The following TFDP2 variants were observed in gnomAD, a reference collection of about 807,000 sequenced individuals.
TFDP2 encodes the protein transcription factor Dp-2 (E2F dimerization partner 2).
Under a neutral mutation model 59.3 loss-of-function variants are expected in TFDP2, and 17 were observed. That is an observed-to-expected ratio of 0.29 (90% CI 0.20 to 0.43). The LOEUF (loss-of-function observed/expected upper bound fraction) is 0.43. Among genes scored for constraint, TFDP2 ranks in the 20% least tolerant of loss-of-function variants. The pLI, the probability that TFDP2 is intolerant of heterozygous loss-of-function variation, is 1.00. For synonymous variants in TFDP2, 180 were observed against 194.7 expected (o/e 0.92, Z 0.63); for missense variants, 391 against 528.8 (o/e 0.74, Z 2.56).
At position 142,121,062 on chromosome 3, in the gene TFDP2, CA is replaced by C. The variant is rs1336268118; in HGVS notation, c.-92-19222del. Among the ~76,000 whole-genome samples, 5 of 151,918 alleles carry C rather than the reference CA, an allele frequency of 3.3e-5. No individual in the cohort carries two copies. The highest frequency in any genetic ancestry group is 7.2e-5 in the African/African-American group (3 of 41,456). On this transcript the variant is annotated intron_variant, in intron 1 of 12. Coordinates refer to ENST00000489671, the MANE Select transcript of TFDP2 (RefSeq NM_001178139.2). The surrounding 1 kb of genome is among the most constrained non-coding windows in gnomAD (Gnocchi z 4.3). Reference sequence around the variant, plus strand: ...AGGAGACAGCAATAGTTTATGATGACAGAGAAAAGAACTAGACGTGTGTGTG... The same window carrying C: ...AGGAGACAGCAATAGTTTATGATGACGAGAAAAGAACTAGACGTGTGTGTG...
chr3:142,069,374 A>G (rs990302422), intron 3 of TFDP2, among the ~76,000 whole-genome samples: 1 of 152,178 alleles, frequency 6.6e-6, no homozygotes, highest in Non-Finnish European at 1.5e-5. Context: ...ATACTTTACT[A>G]TTACATATTA....
At chr3:142,078,021 TAA>T in intron 3 of TFDP2, among the ~76,000 whole-genome samples, 1 of 152,108 alleles carries the variant, frequency 6.6e-6, no homozygotes, top group South Asian at 2.1e-4. Flanking sequence ...GAGCCTTAAG[TAA>T]ACCCTGGAAG....
intron 3 of TFDP2, among the ~76,000 whole-genome samples, chr3:142,011,612 AAAG>A (rs1399141740): frequency 4.0e-5 from 6 of 150,972 alleles, no homozygotes; most frequent in South Asian, 4.2e-4. Context: ...GAAAAAAAAA[AAAG>A]AAGTGAGGAA....
At chr3:142,087,954 A>T (rs1442329983) in intron 3 of TFDP2, among the ~76,000 whole-genome samples, 1 of 152,106 alleles carries the variant, frequency 6.6e-6, no homozygotes, top group Non-Finnish European at 1.5e-5. Context: ...GACCCACCCC[A>T]TCTAAAGCTG....
intron 3 of TFDP2, among the ~76,000 whole-genome samples, chr3:142,057,765 C>T (rs1377299827): frequency 6.6e-6 from 1 of 152,140 alleles, no homozygotes. Flanking sequence ...AATGGTAATA[C>T]CTATAGAATT....
At chr3:141,973,131 T>A (rs1340714929) in intron 8 of TFDP2, among the ~76,000 whole-genome samples, 4 of 127,874 alleles carry the variant, frequency 3.1e-5, no homozygotes, top group South Asian at 2.4e-4. Context: ...ATATTTTTTT[T>A]TTTTAAAGAT....
intron 11 of TFDP2, among the ~76,000 whole-genome samples, chr3:141,957,386 A>G (rs1038338752): frequency 6.6e-6 from 1 of 152,236 alleles, no homozygotes; most frequent in Non-Finnish European, 1.5e-5. Flanking sequence ...ATGGTACAGG[A>G]GCTTTGGAAA....
At chr3:141,978,145 G>T (rs1940989429) in intron 7 of TFDP2, among the ~76,000 whole-genome samples, 1 of 151,862 alleles carries the variant, frequency 6.6e-6, no homozygotes, top group African/African-American at 2.4e-5. Context: ...AGGAGTTTGA[G>T]ACCAGCCTGG....
At chr3:142,139,192 G>A (rs564502832) in intron 1 of TFDP2, among the ~76,000 whole-genome samples, 2 of 152,160 alleles carry the variant, frequency 1.3e-5, no homozygotes, top group South Asian at 2.1e-4. Context: ...TGCAACCCCT[G>A]CTTTTTTTTG....
chr3:142,058,094 TCCACTGATTTATACAG>T, intron 3 of TFDP2, among the ~76,000 whole-genome samples: 1 of 152,324 alleles, frequency 6.6e-6, no homozygotes, highest in South Asian at 2.1e-4. Flanking sequence ...TGCTTACATC[TCCACTGATTTATACAG>T]CCTGATTTAA....
chr3:141,962,296 C>G (rs764755137), intron 10 of TFDP2, among the ~76,000 whole-genome samples: 1 of 152,110 alleles, frequency 6.6e-6, no homozygotes, highest in Non-Finnish European at 1.5e-5. Context: ...TTCATAACCT[C>G]TACTATTTCT....
chr3:141,953,674 C>T (rs1224147896), intron 11 of TFDP2, among the ~76,000 whole-genome samples: 4 of 151,654 alleles, frequency 2.6e-5, no homozygotes, highest in Admixed American at 1.3e-4. Context: ...GGTACATGTG[C>T]ACAATGTGCA....
Position 141,950,871 on chromosome 3 carries a change from A to T in TFDP2, c.*1642T>A, listed in dbSNP as rs1237085655. 6.6e-6 allele frequency: 1 copy of T among 152,310 alleles called. No homozygotes were observed. Among genetic ancestry groups the T allele is most frequent in the Non-Finnish European group, 1.5e-5 (1 of 68,036 alleles). The allele number at this position is 152,310 out of a possible 1,614,324, so 9.4% of individuals were successfully genotyped here. A position where few individuals can be genotyped will look rare whatever the true frequency, so the allele number is the denominator to read the frequency against. ...TCTCTAGAAACTGCCTCTATCTCTGAGTCTGTACTATGGCTTATTTCTGAC... is the reference window on the plus strand; with the variant it reads ...TCTCTAGAAACTGCCTCTATCTCTGTGTCTGTACTATGGCTTATTTCTGAC... On this transcript the variant is annotated 3_prime_UTR_variant, in exon 13 of 13. Transcript: ENST00000489671.
chr3:142,005,595 T>C, intron 3 of TFDP2, 51 bp from the exon 4 acceptor site: 1 of 1,280,046 alleles, frequency 7.8e-7, no homozygotes, highest in Admixed American at 2.0e-5. Context: ...CCAAGGCCAT[T>C]TTCTAGCTAT....
intron 1 of TFDP2, among the ~76,000 whole-genome samples, chr3:142,133,583 C>T (rs1372229790): frequency 3.5e-5 from 5 of 140,964 alleles, no homozygotes; most frequent in Middle Eastern, 3.2e-3. Flanking sequence ...CTGCAGCCTC[C>T]GCCTCCCAGG....
chr3:142,077,151 G>C (rs1444635113), intron 3 of TFDP2, among the ~76,000 whole-genome samples: 1 of 152,196 alleles, frequency 6.6e-6, no homozygotes. Flanking sequence ...GCTCTAGACA[G>C]AAGGAATCGT....
intron 3 of TFDP2, among the ~76,000 whole-genome samples, chr3:142,025,643 G>A (rs565848298): frequency 1.3e-5 from 2 of 152,086 alleles, no homozygotes; most frequent in South Asian, 4.1e-4. Flanking sequence ...AAGTTCTTTA[G>A]GCAAATCTAT....
intron 3 of TFDP2, among the ~76,000 whole-genome samples, chr3:142,045,691 C>A (rs1400367275): frequency 1.3e-5 from 2 of 150,638 alleles, no homozygotes. Context: ...CAGCTCACTG[C>A]AACCTCCGCC....
chr3:141,991,267 T>C (rs1439080455), intron 6 of TFDP2, among the ~76,000 whole-genome samples: 2 of 152,212 alleles, frequency 1.3e-5, no homozygotes, highest in Non-Finnish European at 2.9e-5. Flanking sequence ...AAAAGTAATA[T>C]ACAACTTAAA....
Sources: allele counts gnomAD v4.1 joint callset (sites outside exome capture counted in the v4.1 genomes callset), GRCh38; gene constraint gnomAD v4.1.1; non-coding constraint Gnocchi (gnomAD v3.1); transcripts MANE v1.5; gene names NCBI Gene and HGNC (gene_info 2026-07-23, HGNC 2026-07-21).